Variants in TAC3 observed in about 807,000 individuals in gnomAD.
TAC3 encodes tachykinin-3.
In TAC3, 9 loss-of-function variants were observed where a neutral mutation model predicts 16.5. That is an observed-to-expected ratio of 0.55 (90% CI 0.33 to 0.95). The LOEUF (loss-of-function observed/expected upper bound fraction) is 0.95, where lower values mean the gene tolerates loss of function less well. Among genes scored for constraint, TAC3 ranks in the 40% least tolerant of loss-of-function variants. TAC3 has a pLI of 0.03. For missense variants in TAC3, 129 were observed against 149.1 expected, an observed-to-expected ratio of 0.87 and a Z score of 0.70; for synonymous variants, 52 against 56.7, an observed-to-expected ratio of 0.92 and a Z score of 0.37.
At chr12:57,012,791 G>T in intron 5 of TAC3, 31 bp downstream of exon 5, 1 of 1,614,038 alleles carries the variant, frequency 6.2e-7, no homozygotes, top group Non-Finnish European at 8.5e-7. Flanking sequence ...AGTACCCTAA[G>T]CCCTTCCACT....
Position 57,010,109 on chromosome 12 carries a change from T to TG in TAC3, c.*180dup, listed in dbSNP as rs1337545151. 2.0e-5 allele frequency: 9 copies of TG among 453,912 alleles called. No individual in the cohort carries two copies. Among genetic ancestry groups the TG allele is most frequent in the Non-Finnish European group, 4.0e-5 (9 of 226,790 alleles). The allele number at this position is 453,912 out of a possible 1,614,324, so 28.1% of individuals were successfully genotyped here. A position where few individuals can be genotyped will look rare whatever the true frequency, so the allele number is the denominator to read the frequency against. On this transcript the variant is annotated 3_prime_UTR_variant, in exon 7 of 7. Transcript: ENST00000458521. Reference sequence around the variant, plus strand: ...TTCTACAGTCAATGCCCATTGGGGTTGGGGATATTCACTATGCAGTTTCCA... The same window carrying TG: ...TTCTACAGTCAATGCCCATTGGGGTTGGGGGATATTCACTATGCAGTTTCCA...
Position 57,010,276 on chromosome 12 carries a change from C to T in TAC3, c.*14G>A, listed in dbSNP as rs1007195973. On this transcript the variant is annotated 3_prime_UTR_variant, in exon 7 of 7. Coordinates refer to ENST00000458521, the MANE Select transcript of TAC3 (RefSeq NM_013251.4). ...GTCTTCCTAATGCAGTCCAGGAGTC[C>T]GGAAGTGGAGTACTGAGGACAAAAA... The T allele has an allele frequency of 2.0e-5, 9 of 440,426 alleles. No homozygotes were observed. The highest frequency in any genetic ancestry group is 7.1e-5 in the East Asian group (1 of 14,150). The allele number at this position is 440,426 out of a possible 1,614,324, so 27.3% of individuals were successfully genotyped here. A position where few individuals can be genotyped will look rare whatever the true frequency, so the allele number is the denominator to read the frequency against.
intron 1 of TAC3, 77 bp from the exon 2 acceptor site, chr12:57,015,879 T>C: frequency 7.8e-7 from 1 of 1,278,600 alleles, no homozygotes; most frequent in African/African-American, 1.5e-5. Flanking sequence ...ACAAGAGACA[T>C]TCATTACCAG....
chr12:57,012,383 T>C lies in TAC3; in HGVS notation c.362A>G (p.Glu121Gly), dbSNP rs1956311522. The change falls in exon 6 of 7, where the codon GAA (glutamate) becomes GGA (glycine). Residue 121 changes from glutamate (E) to glycine (G), a missense_variant. Physicochemically the swap from Glu to Gly is moderately conservative, Grantham distance 98. Coordinates refer to ENST00000458521, the MANE Select transcript of TAC3 (RefSeq NM_013251.4). ...FGILKYPPRA[E>G] ...CTCTAATGAACAATCCTTACCCTAT[T>C]CTGCTCTCGGGGGATACTTGAGGAT... 3 of 1,613,802 alleles carry C rather than the reference T, an allele frequency of 1.9e-6. No individual in the cohort carries two copies. The highest frequency in any genetic ancestry group is 2.5e-6 in the Non-Finnish European group (3 of 1,179,908).
At chr12:57,014,264 G>A (rs2136420313) in intron 2 of TAC3, among the ~76,000 whole-genome samples, 1 of 151,858 alleles carries the variant, frequency 6.6e-6, no homozygotes, top group South Asian at 2.1e-4. Context: ...GTACAGCAGG[G>A]TGGTGGGCAC....
At chr12:57,011,907 A>G (rs1192718783) in intron 6 of TAC3, among the ~76,000 whole-genome samples, 1 of 152,212 alleles carries the variant, frequency 6.6e-6, no homozygotes, top group Non-Finnish European at 1.5e-5. Context: ...TTCCTGAATC[A>G]TCCTTGTGTA....
chr12:57,012,847 A>C lies in TAC3; in HGVS notation c.267T>G (p.Leu89=), dbSNP rs1386865714. 3.1e-6 allele frequency: 5 copies of C among 1,614,114 alleles called. No homozygotes were observed. The East Asian group carries it at 1.1e-4, about 36-fold the overall frequency. ...KRDMHDFFVG[L]MGKRSVQPDS... ...CTGGCTGGACGCTCCTCTTGCCCATAAGTCCCACAAAGAAGTCATGCATGT... is the reference window on the plus strand; with the variant it reads ...CTGGCTGGACGCTCCTCTTGCCCATCAGTCCCACAAAGAAGTCATGCATGT... The change falls in exon 5 of 7, where the codon CTT becomes CTG. Residue 89 remains leucine (L), a synonymous_variant. Coordinates refer to ENST00000458521, the MANE Select transcript of TAC3 (RefSeq NM_013251.4).
At chr12:57,015,617 A>C in intron 2 of TAC3, 67 bp downstream of exon 2, 2 of 1,414,742 alleles carry the variant, frequency 1.4e-6, no homozygotes, top group Middle Eastern at 2.4e-4. Flanking sequence ...TCCTCACTAC[A>C]GCTGTCCAGA....
At chr12:57,015,857 AT>A in intron 1 of TAC3, 55 bp from the exon 2 acceptor site, 1 of 1,461,264 alleles carries the variant, frequency 6.8e-7, no homozygotes, top group Non-Finnish European at 9.6e-7. Flanking sequence ...AAGATACAGC[AT>A]GGGTGAAGAC....
Position 57,013,666 on chromosome 12 carries a change from A to T in TAC3, c.120T>A (p.Asp40Glu). ...VVPGGGRSKR[D>E]PDLYQLLQRL... Reference sequence around the variant, plus strand: ...TCTGGAGCAGCTGGTAGAGATCTGGATCCCTCTAGGGAAGAAACAAAGAGG... The same window carrying T: ...TCTGGAGCAGCTGGTAGAGATCTGGTTCCCTCTAGGGAAGAAACAAAGAGG... Residue 40 changes from aspartate to glutamate, a missense_variant, in exon 3 of 7, where the codon GAT becomes GAA. Asp to Glu is a conservative substitution (Grantham distance 45). Coordinates refer to ENST00000458521, the MANE Select transcript of TAC3 (RefSeq NM_013251.4). 1 of 1,612,114 alleles carries T rather than the reference A, an allele frequency of 6.2e-7. No homozygotes were observed. Among genetic ancestry groups the T allele is most frequent in the South Asian group, 1.1e-5 (1 of 90,380 alleles).
intron 6 of TAC3, among the ~76,000 whole-genome samples, chr12:57,011,926 T>A (rs1956303161): frequency 1.3e-5 from 2 of 152,246 alleles, no homozygotes; most frequent in South Asian, 4.1e-4. Context: ...TATGACTACC[T>A]TCTGGGCCCC....
chr12:57,013,461 AC>A lies in TAC3; in HGVS notation c.209-74del, dbSNP rs560449592. 143 of 1,597,252 alleles carry A rather than the reference AC, an allele frequency of 9.0e-5. 1 individual carries two copies. In the East Asian group the frequency reaches 1.5e-3, roughly 16 times the overall value. On this transcript the variant is annotated intron_variant, in intron 3 of 6. Coordinates refer to ENST00000458521, the MANE Select transcript of TAC3 (RefSeq NM_013251.4). ...TGATGAGAGCGGGGTTCAGATCACAACCCTCACCGATTCACTAAGCTATCCC... is the reference window on the plus strand; with the variant it reads ...TGATGAGAGCGGGGTTCAGATCACAACCTCACCGATTCACTAAGCTATCCC...
At position 57,015,728 on chromosome 12, in the gene TAC3, T is replaced by C. The variant is rs1288357480; in HGVS notation, c.70A>G (p.Lys24Glu). Reference sequence around the variant, plus strand: ...GGAACCACCTCCTCCTGTGGCTCCTTACAGACAGCCCCAAAGCTCTGAGCT... The same window carrying C: ...GGAACCACCTCCTCCTGTGGCTCCTCACAGACAGCCCCAAAGCTCTGAGCT... ...SLAQSFGAVC[K>E]EPQEEVVPGG... The change falls in exon 2 of 7, where the codon AAG (lysine) becomes GAG (glutamate). Residue 24 changes from lysine to glutamate, a missense_variant. By Grantham distance (56) the Lys-to-Glu change is moderately conservative (BLOSUM62 1). Coordinates refer to ENST00000458521, the MANE Select transcript of TAC3 (RefSeq NM_013251.4). The C allele has an allele frequency of 1.2e-6, 2 of 1,614,014 alleles. No homozygotes were observed. Among genetic ancestry groups the C allele is most frequent in the African/African-American group, 1.3e-5 (1 of 74,932 alleles).
intron 2 of TAC3, among the ~76,000 whole-genome samples, chr12:57,014,764 G>A (rs752283881): frequency 1.3e-5 from 2 of 151,926 alleles, no homozygotes; most frequent in Non-Finnish European, 2.9e-5. Context: ...CACCTGCAAG[G>A]CTGCCCTGGT....
rs576462530 is a variant in TAC3, at chr12:57,015,732, G to A, written c.66C>T (p.Val22=). The A allele has an allele frequency of 3.4e-5, 55 of 1,614,144 alleles. No individual in the cohort carries two copies. The highest frequency in any genetic ancestry group is 2.8e-4 in the African/African-American group (21 of 75,060). The change falls in exon 2 of 7, where the codon GTC becomes GTT. Residue 22 remains valine, a synonymous_variant. Coordinates refer to ENST00000458521, the MANE Select transcript of TAC3 (RefSeq NM_013251.4). ...CCACCTCCTCCTGTGGCTCCTTACA[G>A]ACAGCCCCAAAGCTCTGAGCTAGGC... is the stretch of plus-strand genomic sequence containing the variant. ...AFSLAQSFGA[V]CKEPQEEVVP... is the part of the protein sequence containing the mutation.
At chr12:57,010,369 C>G (rs1268074826) in intron 6 of TAC3, 81 bp from the exon 7 acceptor site, 2 of 348,676 alleles carry the variant, frequency 5.7e-6, no homozygotes, top group Non-Finnish European at 1.1e-5. Context: ...CACTGAAAAC[C>G]TGCTGTGGCA....
chr12:57,015,316 G>C (rs573122129), intron 2 of TAC3, among the ~76,000 whole-genome samples: 31 of 152,100 alleles, frequency 2.0e-4, no homozygotes, highest in Non-Finnish European at 3.5e-4. Context: ...ATACCATCCA[G>C]GAAATAGAAG....
At chr12:57,012,554 A>G (rs1956315189) in intron 5 of TAC3, 102 bp from the exon 6 acceptor site, 3 of 1,603,624 alleles carry the variant, frequency 1.9e-6, no homozygotes, top group Non-Finnish European at 2.6e-6. Context: ...GTGTTCAAAG[A>G]CAGAGTTGGG....
intron 2 of TAC3, among the ~76,000 whole-genome samples, chr12:57,014,215 A>C (rs529280123): frequency 1.3e-5 from 2 of 150,704 alleles, no homozygotes; most frequent in African/African-American, 4.9e-5. Flanking sequence ...CGGGCTCTTG[A>C]TTGTCCCTGT....
Sources: gnomAD v4.1 joint callset for allele counts (sites outside exome capture counted in the v4.1 genomes callset) on GRCh38, gnomAD v4.1.1 for gene constraint, MANE v1.5 for transcripts, NCBI Gene and HGNC (gene_info 2026-07-23, HGNC 2026-07-21) for gene names.